The following NOL4L variants were observed in gnomAD, a reference collection of about 807,000 sequenced individuals.
The protein encoded by NOL4L is nucleolar protein 4 like.
In NOL4L, 7 loss-of-function variants were observed where a neutral mutation model predicts 64.5. That is an observed-to-expected ratio of 0.11 (90% CI 0.06 to 0.20). The LOEUF (loss-of-function observed/expected upper bound fraction) is 0.20, where lower values mean the gene tolerates loss of function less well. Ranked by LOEUF, NOL4L falls within the 10% of genes least tolerant of loss-of-function variation. The probability of loss-of-function intolerance (pLI) is 1.00; values close to 1 mark genes in which losing one functional copy is unlikely to be tolerated. For missense variants in NOL4L, 680 were observed against 967.1 expected (o/e 0.70, Z 3.94); for synonymous variants, 413 against 401.0 (o/e 1.03, Z -0.36).
intron 3 of NOL4L, among the ~76,000 whole-genome samples, chr20:32,518,570 G>A (rs1023842760): frequency 1.3e-4 from 20 of 152,378 alleles, no homozygotes; most frequent in African/African-American, 4.8e-4. Flanking sequence ...GGGAGCGGAT[G>A]GCGCCTCAGA....
chr20:32,475,682 C>G lies in NOL4L; in HGVS notation c.700-940G>C, dbSNP rs138379601. ...AAGATGACCCAGCAGCTCCCACACCCGGAGTTCTGGCCTCCCCCCAGCAAG... is the reference window on the plus strand; with the variant it reads ...AAGATGACCCAGCAGCTCCCACACCGGGAGTTCTGGCCTCCCCCCAGCAAG... On this transcript the variant is annotated intron_variant, in intron 4 of 10. Coordinates refer to ENST00000621426, the MANE Select transcript of NOL4L (RefSeq NM_001256798.2). Among the ~76,000 whole-genome samples the G allele has an allele frequency of 1.7e-4, 26 of 152,370 alleles. No homozygotes were observed. The South Asian group carries it at 5.2e-3, about 30-fold the overall frequency.
intron 4 of NOL4L, among the ~76,000 whole-genome samples, chr20:32,475,805 G>T (rs1005808315): frequency 4.6e-5 from 7 of 152,128 alleles, no homozygotes; most frequent in African/African-American, 1.7e-4. Context: ...CTTTTATAGT[G>T]AGCAAACACA....
At chr20:32,563,432 G>T (rs1050195561) in intron 1 of NOL4L, among the ~76,000 whole-genome samples, 6 of 151,918 alleles carry the variant, frequency 3.9e-5, no homozygotes, top group Non-Finnish European at 7.4e-5. Context: ...ATAGAGGACC[G>T]AAAGGAGATT....
chr20:32,488,888 T>C (rs916036921), intron 4 of NOL4L, among the ~76,000 whole-genome samples: 6 of 136,420 alleles, frequency 4.4e-5, no homozygotes, highest in Non-Finnish European at 3.1e-5. Flanking sequence ...TCTTTCTTTC[T>C]TTCTTTCCTC....
chr20:32,537,008 C>G, intron 1 of NOL4L: 1 of 960,404 alleles, frequency 1.0e-6, no homozygotes, highest in Non-Finnish European at 1.2e-6. Context: ...CCGCCGGCCT[C>G]GCGTCCCCCT....
intron 5 of NOL4L, among the ~76,000 whole-genome samples, chr20:32,473,517 C>T (rs1264381585): frequency 6.6e-6 from 1 of 152,184 alleles, no homozygotes; most frequent in Non-Finnish European, 1.5e-5. Flanking sequence ...CAGCCACTCC[C>T]TGTGCTCCCC....
At position 32,581,291 on chromosome 20, in the gene NOL4L, G is replaced by A. The variant is rs533538420; in HGVS notation, c.321+3279C>T. ...CTGCCCCACCCCCACTTGGGCCCCA[G>A]CTGCAGGAGGCCCTGTGGAGTGTAA... On this transcript the variant is annotated intron_variant, in intron 1 of 10. Transcript: ENST00000621426. Among the ~76,000 whole-genome samples the A allele has an allele frequency of 2.4e-4, 36 of 147,858 alleles. No individual in the cohort carries two copies. In the East Asian group the frequency reaches 6.6e-3, roughly 27 times the overall value.
At position 32,456,250 on chromosome 20, in the gene NOL4L, C is replaced by G; in HGVS notation, c.987G>C (p.Glu329Asp). ...TGTCACACAGGTTGATGGGCTGATC[C>G]TCGGCGGCCGTGGTGAAGTCCATGG... ...VAPMDFTTAA[E>D]DQPINLCDKL... Residue 329 changes from glutamate to aspartate, a missense_variant, in exon 6 of 11, where the codon GAG (glutamate) becomes GAC (aspartate). Physicochemically the swap from Glu to Asp is conservative, Grantham distance 45. This residue lies in a region of NOL4L where 254 missense variants were observed against 238.7 expected (regional missense o/e 1.06). Coordinates refer to ENST00000621426, the MANE Select transcript of NOL4L (RefSeq NM_001256798.2). 1 of 1,606,376 alleles carries G rather than the reference C, an allele frequency of 6.2e-7. No homozygotes were observed. The highest frequency in any genetic ancestry group is 8.5e-7 in the Non-Finnish European group (1 of 1,176,426).
chr20:32,515,269 A>G (rs1490176398), intron 3 of NOL4L, among the ~76,000 whole-genome samples: 1 of 152,166 alleles, frequency 6.6e-6, no homozygotes, highest in African/African-American at 2.4e-5. Context: ...GGAAGCTGGA[A>G]CATCCCGAGC....
At chr20:32,455,825 AG>A (rs2013444756) in intron 6 of NOL4L, among the ~76,000 whole-genome samples, 1 of 151,910 alleles carries the variant, frequency 6.6e-6, no homozygotes, top group Non-Finnish European at 1.5e-5. Context: ...GTTCTGGGGG[AG>A]GGGGATGGGT....
intron 2 of NOL4L, among the ~76,000 whole-genome samples, chr20:32,526,136 C>T (rs1036650156): frequency 3.3e-5 from 5 of 152,106 alleles, no homozygotes; most frequent in Admixed American, 6.5e-5. Context: ...ACAATCCTCC[C>T]ATCTCAACCT....
At chr20:32,531,732 A>G (rs1013806304) in intron 1 of NOL4L, among the ~76,000 whole-genome samples, 1 of 152,214 alleles carries the variant, frequency 6.6e-6, no homozygotes, top group Non-Finnish European at 1.5e-5. Context: ...TCCAAGGATC[A>G]AGAATGTATG....
At chr20:32,536,112 G>GT (rs763649054) in intron 1 of NOL4L, 778 of 985,632 alleles carry the variant, frequency 7.9e-4, no homozygotes, top group Non-Finnish European at 9.1e-4. Flanking sequence ...TAGGAAGTGT[G>GT]TGGGAACCCA....
chr20:32,522,576 CAAG>C (rs1403525038), intron 2 of NOL4L, among the ~76,000 whole-genome samples: 3 of 152,362 alleles, frequency 2.0e-5, no homozygotes, highest in South Asian at 4.1e-4. Context: ...GGCCAGGCAG[CAAG>C]AAGGGCCCTG....
intron 2 of NOL4L, among the ~76,000 whole-genome samples, chr20:32,523,320 C>T (rs2018010723): frequency 6.6e-6 from 1 of 152,206 alleles, no homozygotes; most frequent in South Asian, 2.1e-4. Flanking sequence ...TGGCTTAGAG[C>T]TCCCTGGGGA....
intron 4 of NOL4L, among the ~76,000 whole-genome samples, chr20:32,481,967 G>T (rs947829268): frequency 2.0e-5 from 3 of 150,352 alleles, no homozygotes; most frequent in Admixed American, 6.6e-5. Flanking sequence ...GGCGGGGCGG[G>T]GGGGGGGGAG....
intron 3 of NOL4L, among the ~76,000 whole-genome samples, chr20:32,517,506 A>G (rs1339427444): frequency 1.3e-5 from 2 of 152,238 alleles, no homozygotes; most frequent in African/African-American, 2.4e-5. Flanking sequence ...GGGACGGTCC[A>G]GGAGGCGAAT....
intron 5 of NOL4L, among the ~76,000 whole-genome samples, chr20:32,461,016 C>T (rs1417250444): frequency 3.3e-5 from 5 of 152,238 alleles, no homozygotes; most frequent in Non-Finnish European, 7.3e-5. Flanking sequence ...CTGTGGGCCA[C>T]GGCTCTGCAG....
chr20:32,496,581 A>G (rs2145528214), intron 4 of NOL4L, among the ~76,000 whole-genome samples: 1 of 149,882 alleles, frequency 6.7e-6, no homozygotes, highest in Non-Finnish European at 1.5e-5. Flanking sequence ...AGAGAGTTTC[A>G]CTCTTGTTGC....
Sources: gnomAD v4.1 joint callset for allele counts (sites outside exome capture counted in the v4.1 genomes callset) on GRCh38, gnomAD v4.1.1 for gene constraint, gnomAD v4.1.1 regional missense constraint, MANE v1.5 for transcripts, NCBI Gene and HGNC (gene_info 2026-07-23, HGNC 2026-07-21) for gene names.